The following SAMMSON variants were observed in gnomAD, a reference collection of about 807,000 sequenced individuals.
SAMMSON encodes the protein long intergenic non-protein coding RNA 1212.
In SAMMSON at chr3:70,367,208, T is replaced by G. The variant is rs80222121; in HGVS notation, n.913+8884T>G. Among the ~76,000 whole-genome samples, 983 of 151,632 alleles carry G rather than the reference T, an allele frequency of 6.5e-3. 6 individuals are homozygous for G. Among genetic ancestry groups the G allele is most frequent in the Non-Finnish European group, 0.011 (748 of 67,568 alleles). ...CTTCCAACTACTTTGAAGTATACAA[T>G]AAATTACGGACAACTATAGTCACCC... On this transcript the variant is annotated intron_variant and non_coding_transcript_variant, in intron 9 of 9. Coordinates refer to ENST00000642114, the Ensembl canonical transcript of SAMMSON.
chr3:70,126,784 C>G (rs1478010979), intron 4 of SAMMSON: 1 of 184,110 alleles, frequency 5.4e-6, no homozygotes, highest in African/African-American at 2.4e-5. Flanking sequence ...GGCACAGTCT[C>G]TACACACTGC....
intron 7 of SAMMSON, among the ~76,000 whole-genome samples, chr3:70,348,195 T>C (rs757243682): frequency 1.4e-4 from 21 of 152,118 alleles, no homozygotes; most frequent in Non-Finnish European, 2.6e-4. Context: ...ATAGGCCTCA[T>C]TGATAGGATA....
intron 1 of SAMMSON, among the ~76,000 whole-genome samples, chr3:70,012,002 C>G (rs897314663): frequency 6.6e-6 from 1 of 151,992 alleles, no homozygotes; most frequent in Non-Finnish European, 1.5e-5. Flanking sequence ...GGTCTTTAGG[C>G]CAGAAGAGAA....
intron 2 of SAMMSON, among the ~76,000 whole-genome samples, chr3:70,411,986 T>G (rs965069470): frequency 1.3e-5 from 2 of 152,180 alleles, no homozygotes; most frequent in Non-Finnish European, 2.9e-5. Context: ...TAACAAAAAC[T>G]ACTTCAACTG....
At chr3:70,399,691 C>A (rs889892830) in intron 2 of SAMMSON, among the ~76,000 whole-genome samples, 1 of 151,978 alleles carries the variant, frequency 6.6e-6, no homozygotes, top group South Asian at 2.1e-4. Flanking sequence ...CATGGTGAAA[C>A]CCCATCTCTA....
At chr3:70,005,437 T>C (rs1166242297) in intron 1 of SAMMSON, among the ~76,000 whole-genome samples, 1 of 152,156 alleles carries the variant, frequency 6.6e-6, no homozygotes, top group Non-Finnish European at 1.5e-5. Context: ...TCACCATGTG[T>C]CCTTCTTTCT....
At chr3:70,135,351 G>T (rs1479965808) in intron 4 of SAMMSON, among the ~76,000 whole-genome samples, 1 of 152,106 alleles carries the variant, frequency 6.6e-6, no homozygotes, top group African/African-American at 2.4e-5. Flanking sequence ...TAATGTAAAT[G>T]AAATTTATCT....
intron 4 of SAMMSON, among the ~76,000 whole-genome samples, chr3:70,200,603 A>G (rs1701227686): frequency 6.6e-6 from 1 of 152,148 alleles, no homozygotes; most frequent in Admixed American, 6.6e-5. Context: ...TCTCACAGCA[A>G]TCTGTTTTAT....
At chr3:70,048,050 C>A (rs896162179) in intron 3 of SAMMSON, among the ~76,000 whole-genome samples, 17 of 151,970 alleles carry the variant, frequency 1.1e-4, no homozygotes, top group Non-Finnish European at 2.4e-4. Context: ...AGCAAAAATA[C>A]CACTCAGGTA....
At chr3:70,203,075 C>A (rs1701257203) in intron 4 of SAMMSON, among the ~76,000 whole-genome samples, 1 of 152,072 alleles carries the variant, frequency 6.6e-6, no homozygotes, top group Non-Finnish European at 1.5e-5. Context: ...CTGAAGCACA[C>A]CTCCTGCTAC....
At chr3:70,040,938 C>G (rs1345127469) in intron 3 of SAMMSON, among the ~76,000 whole-genome samples, 1 of 152,118 alleles carries the variant, frequency 6.6e-6, no homozygotes, top group East Asian at 1.9e-4. Context: ...CAGATATCGT[C>G]TCAAAACAAT....
rs375416040 is a variant in SAMMSON, at chr3:70,343,789, A to G, written n.740-10386A>G. ...TGAAGGTAGATTATCTAAATAAATT[A>G]CTTGGAATTGTTCTGTACATAGGAT... On this transcript the variant is annotated intron_variant and non_coding_transcript_variant, in intron 7 of 9. Transcript: ENST00000642114. 1.5e-3 allele frequency among the ~76,000 whole-genome samples: 228 copies of G among 152,012 alleles called. 1 individual carries two copies. The highest frequency in any genetic ancestry group is 5.2e-3 in the African/African-American group (214 of 41,482).
At chr3:70,271,033 T>G (rs1444620974) in intron 6 of SAMMSON, among the ~76,000 whole-genome samples, 5 of 151,794 alleles carry the variant, frequency 3.3e-5, no homozygotes, top group Admixed American at 2.6e-4. Context: ...TCAAGTATAA[T>G]AATAAAAAAG....
At chr3:70,132,717 G>A (rs2067487319) in intron 4 of SAMMSON, among the ~76,000 whole-genome samples, 1 of 150,688 alleles carries the variant, frequency 6.6e-6, no homozygotes, top group Non-Finnish European at 1.5e-5. Context: ...CAAGGCAGGT[G>A]GATCCCTTGA....
At chr3:70,335,231 A>G (rs550611424) in intron 7 of SAMMSON, among the ~76,000 whole-genome samples, 15 of 152,062 alleles carry the variant, frequency 9.9e-5, no homozygotes, top group Non-Finnish European at 1.9e-4. Flanking sequence ...AAATTCCTTG[A>G]GAGCAAAGTG....
chr3:70,090,685 C>T (rs1267821789), intron 4 of SAMMSON, among the ~76,000 whole-genome samples: 1 of 151,570 alleles, frequency 6.6e-6, no homozygotes, highest in Non-Finnish European at 1.5e-5. Flanking sequence ...TAGTCACATA[C>T]CCTAGGGCCT....
At chr3:70,056,341 C>A (rs1576110519) in intron 3 of SAMMSON, among the ~76,000 whole-genome samples, 1 of 152,126 alleles carries the variant, frequency 6.6e-6, no homozygotes, top group East Asian at 1.9e-4. Context: ...GACAAAAAGT[C>A]TTTTCATAAA....
intron 4 of SAMMSON, among the ~76,000 whole-genome samples, chr3:70,180,649 C>G (rs1319851455): frequency 6.6e-6 from 1 of 152,144 alleles, no homozygotes; most frequent in Non-Finnish European, 1.5e-5. Context: ...TTCAGATATG[C>G]TATACCTCAC....
At chr3:70,113,920 C>T (rs1030525078) in intron 4 of SAMMSON, among the ~76,000 whole-genome samples, 1 of 152,118 alleles carries the variant, frequency 6.6e-6, no homozygotes, top group African/African-American at 2.4e-5. Context: ...AGGAAGAGGG[C>T]CCTCATTAGG....
Sources: gnomAD v4.1 joint callset for allele counts (sites outside exome capture counted in the v4.1 genomes callset) on GRCh38, gnomAD v4.1.1 for gene constraint, MANE v1.5 for transcripts, NCBI Gene and HGNC (gene_info 2026-07-23, HGNC 2026-07-21) for gene names.